The following DCC variants were observed in gnomAD, a reference collection of about 807,000 sequenced individuals.
DCC encodes netrin receptor DCC.
Under a neutral mutation model 172.5 loss-of-function variants are expected in DCC, and 58 were observed. The observed-to-expected ratio is 0.34, with a 90% CI of 0.27 to 0.42. The LOEUF (loss-of-function observed/expected upper bound fraction) is 0.42. Among genes scored for constraint, DCC ranks in the 10% least tolerant of loss-of-function variants. The pLI is 1.00. For missense variants in DCC, 1,740 were observed against 1,791.0 expected (o/e 0.97, Z 0.51); for synonymous variants, 709 against 644.5 (o/e 1.10, Z -1.52).
intron 22 of DCC, among the ~76,000 whole-genome samples, chr18:53,441,910 C>T (rs1414083517): frequency 6.6e-6 from 1 of 152,170 alleles, no homozygotes; most frequent in Admixed American, 6.5e-5. Flanking sequence ...ACTGGGTCCT[C>T]TTTCTCTGTG....
At chr18:52,467,637 T>C (rs1988824985) in intron 1 of DCC, among the ~76,000 whole-genome samples, 2 of 152,198 alleles carry the variant, frequency 1.3e-5, no homozygotes, top group Non-Finnish European at 2.9e-5. Flanking sequence ...TCTTCCACAA[T>C]GGTTAAATTA....
intron 6 of DCC, among the ~76,000 whole-genome samples, chr18:53,065,400 T>C (rs1401771015): frequency 1.3e-5 from 2 of 152,160 alleles, no homozygotes; most frequent in Non-Finnish European, 2.9e-5. Context: ...GCTCAATTTC[T>C]AAATAAAAGG....
chr18:53,104,088 G>A (rs1364833657), intron 7 of DCC, among the ~76,000 whole-genome samples: 2 of 152,048 alleles, frequency 1.3e-5, no homozygotes, highest in Non-Finnish European at 2.9e-5. Flanking sequence ...GACAGAATTG[G>A]TAATACTGAT....
chr18:53,116,214 A>G (rs959585082), intron 7 of DCC, among the ~76,000 whole-genome samples: 1 of 151,736 alleles, frequency 6.6e-6, no homozygotes, highest in Admixed American at 6.6e-5. Context: ...AAAGGCACAA[A>G]GGGATTTCTT....
chr18:53,360,230 T>C (rs1263863125), intron 15 of DCC, among the ~76,000 whole-genome samples: 1 of 152,134 alleles, frequency 6.6e-6, no homozygotes, highest in Non-Finnish European at 1.5e-5. Context: ...ATATCTTATA[T>C]ATACTAGTCA....
intron 1 of DCC, among the ~76,000 whole-genome samples, chr18:52,695,847 C>T (rs1245579655): frequency 6.6e-6 from 1 of 152,124 alleles, no homozygotes; most frequent in Non-Finnish European, 1.5e-5. Context: ...GTACATCTGC[C>T]CTCCTTTTTG....
chr18:53,432,995 A>C (rs1456307850), intron 21 of DCC, among the ~76,000 whole-genome samples: 1 of 152,074 alleles, frequency 6.6e-6, no homozygotes, highest in Non-Finnish European at 1.5e-5. Flanking sequence ...GGTGACATCA[A>C]CTTTTTAAAA....
Position 52,645,399 on chromosome 18 carries a change from C to T in DCC, c.92-106655C>T, listed in dbSNP as rs542373053. 1.2e-4 allele frequency among the ~76,000 whole-genome samples: 19 copies of T among 152,236 alleles called. No individual in the cohort carries two copies. The South Asian group carries it at 3.3e-3, about 27-fold the overall frequency. On this transcript the variant is annotated intron_variant, in intron 1 of 28. Transcript: ENST00000442544. ...GTTCTGCTTTCATGCCAAATTTTGGCTCTCTAATATTTGTATTATGTAGAA... is the reference window on the plus strand; with the variant it reads ...GTTCTGCTTTCATGCCAAATTTTGGTTCTCTAATATTTGTATTATGTAGAA...
intron 7 of DCC, 68 bp downstream of exon 7, chr18:53,066,234 A>G: frequency 6.5e-7 from 1 of 1,531,536 alleles, no homozygotes; most frequent in Non-Finnish European, 9.0e-7. Flanking sequence ...GGTAAAATCC[A>G]TATTGTTTTT....
intron 1 of DCC, among the ~76,000 whole-genome samples, chr18:52,366,955 G>C (rs1032536799): frequency 6.6e-6 from 1 of 152,258 alleles, no homozygotes; most frequent in African/African-American, 2.4e-5. Flanking sequence ...GGAGCAGGGG[G>C]TGGTGCTCCT....
At chr18:53,041,408 G>T (rs1266326517) in intron 5 of DCC, among the ~76,000 whole-genome samples, 1 of 152,076 alleles carries the variant, frequency 6.6e-6, no homozygotes, top group Non-Finnish European at 1.5e-5. Flanking sequence ...TGCTGTTTTG[G>T]TTACTGTAGC....
At chr18:52,594,009 G>A (rs771713903) in intron 1 of DCC, among the ~76,000 whole-genome samples, 5 of 152,304 alleles carry the variant, frequency 3.3e-5, no homozygotes, top group African/African-American at 4.8e-5. Flanking sequence ...AAGGCCATGT[G>A]TTTCAATATA....
chr18:53,012,266 C>CA (rs1240436788), intron 5 of DCC, among the ~76,000 whole-genome samples: 1 of 151,658 alleles, frequency 6.6e-6, no homozygotes, highest in Non-Finnish European at 1.5e-5. Context: ...TTCATAGTAG[C>CA]AAAAATCTGG....
At chr18:53,163,755 C>T (rs970716370) in intron 8 of DCC, among the ~76,000 whole-genome samples, 2 of 152,152 alleles carry the variant, frequency 1.3e-5, no homozygotes, top group African/African-American at 4.8e-5. Context: ...TAGCTATCCC[C>T]TCTTAGTACC....
chr18:52,498,066 A>G (rs1334977332), intron 1 of DCC, among the ~76,000 whole-genome samples: 1 of 152,224 alleles, frequency 6.6e-6, no homozygotes, highest in Non-Finnish European at 1.5e-5. Flanking sequence ...ATAAAACTTC[A>G]CTTATGGACA....
At chr18:52,569,757 T>A (rs77397274) in intron 1 of DCC, among the ~76,000 whole-genome samples, 2,628 of 152,246 alleles carry the variant, frequency 0.017, 29 homozygotes, top group South Asian at 0.026. Flanking sequence ...GTACCAGGGA[T>A]AAGTAGATTA....
chr18:52,978,350 G>A (rs542297845), intron 5 of DCC, among the ~76,000 whole-genome samples: 1 of 152,220 alleles, frequency 6.6e-6, no homozygotes, highest in Non-Finnish European at 1.5e-5. Flanking sequence ...AAACAGAGAA[G>A]TGGGCAACAC....
chr18:53,021,731 A>T (rs1433299452), intron 5 of DCC, among the ~76,000 whole-genome samples: 2 of 152,234 alleles, frequency 1.3e-5, no homozygotes, highest in African/African-American at 4.8e-5. Context: ...ACTGTAACAG[A>T]GAGAAAGAAA....
intron 1 of DCC, among the ~76,000 whole-genome samples, chr18:52,392,038 C>A (rs759837807): frequency 6.6e-6 from 1 of 152,282 alleles, no homozygotes; most frequent in Middle Eastern, 3.4e-3. Flanking sequence ...AAGTCAAAAT[C>A]AAATCTGCGT....
Sources: gnomAD v4.1 joint callset for allele counts (sites outside exome capture counted in the v4.1 genomes callset) on GRCh38, gnomAD v4.1.1 for gene constraint, MANE v1.5 for transcripts, NCBI Gene and HGNC (gene_info 2026-07-23, HGNC 2026-07-21) for gene names.